ADARB2: variants seen among roughly 807,000 people sequenced by gnomAD.
ADARB2 encodes the protein adenosine deaminase RNA specific B2 (inactive), also known as inactive double-stranded RNA-specific editase B2.
ADARB2 carries 25 observed loss-of-function variants against 62.2 expected under a neutral mutation model. The observed-to-expected ratio is 0.40, with a 90% confidence interval of 0.29 to 0.56. ADARB2 has a LOEUF of 0.56. Ranked by LOEUF, ADARB2 falls within the 20% of genes least tolerant of loss-of-function variation. The pLI is 0.43. For missense variants in ADARB2, 1,071 were observed against 1,077.4 expected, an observed-to-expected ratio of 0.99 and a Z score of 0.08; for synonymous variants, 572 against 500.8, an observed-to-expected ratio of 1.14 and a Z score of -1.90.
At chr10:1,265,972 A>C (rs1299498901) in intron 4 of ADARB2, among the ~76,000 whole-genome samples, 1 of 131,092 alleles carries the variant, frequency 7.6e-6, no homozygotes, top group East Asian at 2.4e-4. Flanking sequence ...ACTCTCCCGG[A>C]AGACGGCCTG....
chr10:1,268,948 A>G (rs1831233421), intron 4 of ADARB2, among the ~76,000 whole-genome samples: 1 of 152,188 alleles, frequency 6.6e-6, no homozygotes, highest in South Asian at 2.1e-4. Flanking sequence ...AGCTTCCAAA[A>G]CTTGCCAGAT....
intron 1 of ADARB2, among the ~76,000 whole-genome samples, chr10:1,453,387 G>GT (rs941050315): frequency 6.6e-6 from 1 of 152,140 alleles, no homozygotes; most frequent in Non-Finnish European, 1.5e-5. Context: ...TTCTAAGAAG[G>GT]TTTTAGCTCT....
At chr10:1,402,612 GC>G (rs1253599015) in intron 1 of ADARB2, among the ~76,000 whole-genome samples, 1 of 152,160 alleles carries the variant, frequency 6.6e-6, no homozygotes. Context: ...CGAGTCGGAG[GC>G]GGCCCCACTT....
intron 1 of ADARB2, among the ~76,000 whole-genome samples, chr10:1,548,062 G>A (rs935679317): frequency 2.4e-4 from 36 of 152,130 alleles, no homozygotes; most frequent in African/African-American, 5.8e-4. Flanking sequence ...AGTCTGAGCT[G>A]CTGTGGTCTG....
rs80283683 is a variant in ADARB2 at position 1,316,859 on chromosome 10, C to T, written c.1078-45790G>A. Among the ~76,000 whole-genome samples the T allele has an allele frequency of 2.8e-3, 423 of 152,328 alleles. 4 individuals are homozygous for T. The highest frequency in any genetic ancestry group is 9.8e-3 in the African/African-American group (407 of 41,582). On this transcript the variant is annotated intron_variant, in intron 3 of 9. Coordinates refer to ENST00000381312, the MANE Select transcript of ADARB2 (RefSeq NM_018702.4). ...GATAGATTTTCCCATTGTTTTTCCG[C>T]GAATGAGTAATGTGCTTAGCTCCTC...
chr10:1,677,508 G>A (rs1834481371), intron 1 of ADARB2, among the ~76,000 whole-genome samples: 1 of 152,128 alleles, frequency 6.6e-6, no homozygotes, highest in Non-Finnish European at 1.5e-5. Flanking sequence ...GGAGCCCTGG[G>A]GAGGGGCAAC....
chr10:1,481,827 A>T, intron 1 of ADARB2, among the ~76,000 whole-genome samples: 1 of 148,794 alleles, frequency 6.7e-6, no homozygotes, highest in East Asian at 2.0e-4. Flanking sequence ...ACTGCACTCC[A>T]GCCTGGACGA....
intron 1 of ADARB2, among the ~76,000 whole-genome samples, chr10:1,472,246 A>G (rs941661489): frequency 5.9e-5 from 9 of 152,192 alleles, no homozygotes; most frequent in Admixed American, 5.9e-4. Context: ...TCACCCAGGG[A>G]ATACTTTTCT....
At chr10:1,690,763 C>T (rs1834659141) in intron 1 of ADARB2, among the ~76,000 whole-genome samples, 1 of 152,176 alleles carries the variant, frequency 6.6e-6, no homozygotes, top group South Asian at 2.1e-4. Flanking sequence ...TCCCTCTGGG[C>T]CGGCCCTTCC....
chr10:1,214,648 A>AT (rs1377124883), intron 7 of ADARB2, among the ~76,000 whole-genome samples: 2 of 152,188 alleles, frequency 1.3e-5, no homozygotes, highest in African/African-American at 4.8e-5. Context: ...GTAGGTGCTA[A>AT]TTTACTTCAT....
At chr10:1,563,536 C>T (rs1162651700) in intron 1 of ADARB2, among the ~76,000 whole-genome samples, 1 of 152,118 alleles carries the variant, frequency 6.6e-6, no homozygotes, top group African/African-American at 2.4e-5. Context: ...TATAAGGCCA[C>T]TACTATAATC....
intron 4 of ADARB2, among the ~76,000 whole-genome samples, chr10:1,247,707 A>G (rs1442387931): frequency 2.6e-5 from 4 of 152,198 alleles, no homozygotes; most frequent in Non-Finnish European, 5.9e-5. Context: ...CAGCATTCAG[A>G]TAAACACGCT....
chr10:1,382,743 A>G (rs7070629), intron 1 of ADARB2, among the ~76,000 whole-genome samples: 89,910 of 148,382 alleles, frequency 0.61, 27,644 homozygotes, highest in East Asian at 0.8. Flanking sequence ...GGACCTTCGG[A>G]GTGTGCCAGG....
In ADARB2 at chr10:1,224,917, A is replaced by G. The variant is rs1022567555; in HGVS notation, c.1514-7798T>C. ...GTTGATTTGGGGTGGAGAGTTCTGT[A>G]GATGTCTATTAGGTCCACTTGGTGC... is the stretch of plus-strand genomic sequence containing the variant. On this transcript the variant is annotated intron_variant, in intron 6 of 9. Coordinates refer to ENST00000381312, the MANE Select transcript of ADARB2 (RefSeq NM_018702.4). Among the ~76,000 whole-genome samples the G allele has an allele frequency of 5.6e-4, 85 of 152,326 alleles. 1 individual carries two copies. The highest frequency in any genetic ancestry group is 1.9e-3 in the African/African-American group (80 of 41,586).
chr10:1,692,633 C>T (rs763649341), intron 1 of ADARB2, among the ~76,000 whole-genome samples: 2 of 152,158 alleles, frequency 1.3e-5, no homozygotes, highest in Admixed American at 6.5e-5. Flanking sequence ...ATGCTTTATA[C>T]GTTCATAATT....
chr10:1,651,254 T>C (rs956732080), intron 1 of ADARB2, among the ~76,000 whole-genome samples: 2 of 152,246 alleles, frequency 1.3e-5, no homozygotes, highest in Non-Finnish European at 1.5e-5. Context: ...GGAACCACCC[T>C]GTGCTTAAAT....
intron 3 of ADARB2, among the ~76,000 whole-genome samples, chr10:1,282,444 T>C (rs1221648317): frequency 6.6e-6 from 1 of 152,244 alleles, no homozygotes. Context: ...TGATTGCAGC[T>C]CTATGTAGTT....
chr10:1,407,233 G>A (rs967237760), intron 1 of ADARB2, among the ~76,000 whole-genome samples: 14 of 152,142 alleles, frequency 9.2e-5, no homozygotes, highest in African/African-American at 2.7e-4. Flanking sequence ...AGGAACAGCC[G>A]GGCAGCACCA....
chr10:1,415,944 C>T (rs1832797836), intron 1 of ADARB2, among the ~76,000 whole-genome samples: 1 of 152,190 alleles, frequency 6.6e-6, no homozygotes, highest in African/African-American at 2.4e-5. Flanking sequence ...GCTGATTCTA[C>T]CACTCACCAG....
Sources: gnomAD v4.1 joint callset for allele counts (sites outside exome capture counted in the v4.1 genomes callset) on GRCh38, gnomAD v4.1.1 for gene constraint, MANE v1.5 for transcripts, NCBI Gene and HGNC (gene_info 2026-07-23, HGNC 2026-07-21) for gene names.